Variants in BBOF1 observed in about 807,000 individuals in gnomAD.
The protein encoded by BBOF1 is basal body orientation factor 1.
Under a neutral mutation model 68.0 loss-of-function variants are expected in BBOF1, and 62 were observed. The ratio of observed to expected loss-of-function variants is 0.91; its 90% CI spans 0.74 to 1.13. BBOF1 has a LOEUF of 1.13. BBOF1 is among the 50% of genes most tolerant of loss of function. The pLI, the probability that BBOF1 is intolerant of heterozygous loss-of-function variation, is 0.00. For missense variants in BBOF1, 534 were observed against 600.1 expected, an observed-to-expected ratio of 0.89 and a Z score of 1.15; for synonymous variants, 208 against 198.8, an observed-to-expected ratio of 1.05 and a Z score of -0.39.
intron 9 of BBOF1, among the ~76,000 whole-genome samples, chr14:74,072,828 G>A (rs768953142): frequency 5.3e-5 from 8 of 151,406 alleles, no homozygotes; most frequent in Non-Finnish European, 7.4e-5. Flanking sequence ...ACAGAGTTTC[G>A]CTCTTGTCCC....
chr14:74,075,482 A>G (rs1355000698), intron 9 of BBOF1, among the ~76,000 whole-genome samples: 1 of 151,880 alleles, frequency 6.6e-6, no homozygotes, highest in African/African-American at 2.4e-5. Flanking sequence ...ACATGGCAAA[A>G]CCTTGTCTAC....
At chr14:74,029,597 G>T (rs1428127585) in intron 3 of BBOF1, among the ~76,000 whole-genome samples, 1 of 151,636 alleles carries the variant, frequency 6.6e-6, no homozygotes, top group Non-Finnish European at 1.5e-5. Context: ...CAGGAGAATT[G>T]CTTGAACCTG....
chr14:74,057,596 C>A, intron 11 of BBOF1: 1 of 1,330,744 alleles, frequency 7.5e-7, no homozygotes, highest in Non-Finnish European at 9.8e-7. Context: ...GGTGGGAAGT[C>A]AGAGTCATTA....
intron 11 of BBOF1, chr14:74,060,132 C>T (rs2060306945): frequency 6.3e-6 from 1 of 158,334 alleles, no homozygotes; most frequent in Non-Finnish European, 1.4e-5. Context: ...ATTATTGGAA[C>T]ATCTTCTTTA....
At chr14:74,053,167 T>C (rs1191846152) in intron 8 of BBOF1, among the ~76,000 whole-genome samples, 1 of 152,070 alleles carries the variant, frequency 6.6e-6, no homozygotes, top group Non-Finnish European at 1.5e-5. Context: ...CAGGCTGGAG[T>C]GCAGTGGCGA....
intron 11 of BBOF1, among the ~76,000 whole-genome samples, chr14:74,064,312 T>A (rs6574159): frequency 0.2 from 23,858 of 118,472 alleles, 2,131 homozygotes; most frequent in Admixed American, 0.25. Context: ...AAAAAAAAAA[T>A]AATAATAATA....
intron 4 of BBOF1, among the ~76,000 whole-genome samples, chr14:74,036,979 T>C (rs1361539941): frequency 2.8e-5 from 4 of 144,018 alleles, no homozygotes; most frequent in Admixed American, 6.8e-5. Flanking sequence ...TTTTCTTTTT[T>C]TTTTTTTTTT....
chr14:74,064,617 C>CTT, intron 11 of BBOF1, 71 bp from the exon 12 acceptor site: 1 of 1,481,650 alleles, frequency 6.7e-7, no homozygotes. Context: ...TTCCTCAAAA[C>CTT]TTTGTTGCTT....
chr14:74,068,665 C>T (rs2060506242), downstream of BBOF1, among the ~76,000 whole-genome samples: 1 of 151,980 alleles, frequency 6.6e-6, no homozygotes, highest in African/African-American at 2.4e-5. Context: ...ATCGCTTGAA[C>T]CCGGGAGGCA....
intron 4 of BBOF1, 120 bp downstream of exon 4, chr14:74,034,291 ATTATTTG>A: frequency 1.5e-6 from 1 of 648,532 alleles, no homozygotes. Context: ...CATTTTAGAA[ATTATTTG>A]AGAGAAAAAG....
chr14:74,074,833 A>T, intron 9 of BBOF1: 2 of 994,752 alleles, frequency 2.0e-6, no homozygotes, highest in Admixed American at 2.0e-5. Flanking sequence ...ATAATCCAAA[A>T]GGAGGAAAAA....
chr14:74,029,366 C>T, intron 3 of BBOF1, 117 bp downstream of exon 3: 1 of 622,892 alleles, frequency 1.6e-6, no homozygotes, highest in Non-Finnish European at 2.9e-6. Context: ...GGCTAATGAC[C>T]TTAAAGCTTG....
Position 74,065,609 on chromosome 14 carries a change from G to C in BBOF1, c.*910G>C. The C allele has an allele frequency of 2.0e-6, 1 of 488,082 alleles. No homozygotes were observed. The highest frequency in any genetic ancestry group is 3.7e-6 in the Non-Finnish European group (1 of 269,050). 30.2% of individuals were successfully genotyped at this position (488,082 alleles called of 1,614,324 possible). On this transcript the variant is annotated 3_prime_UTR_variant, in exon 12 of 12. Transcript: ENST00000394009. ...ATAACCACACTTCCTTTAAGGGACT[G>C]TATCTTTAGTTCATGACCCATCATC...
chr14:74,037,433 C>T (rs887191239), intron 4 of BBOF1, among the ~76,000 whole-genome samples: 2 of 150,520 alleles, frequency 1.3e-5, no homozygotes, highest in African/African-American at 4.9e-5. Context: ...GCTAGGACTA[C>T]AGGCACGCAC....
intron 11 of BBOF1, among the ~76,000 whole-genome samples, chr14:74,063,086 G>A (rs1467216566): frequency 1.3e-5 from 2 of 151,980 alleles, no homozygotes; most frequent in East Asian, 1.9e-4. Context: ...CTTCTCATTT[G>A]CTCACTGTGC....
intron 9 of BBOF1, among the ~76,000 whole-genome samples, chr14:74,056,036 T>A (rs201178340): frequency 0.22 from 32,128 of 147,968 alleles, 3,710 homozygotes; most frequent in South Asian, 0.43. Flanking sequence ...AGATAAGTAT[T>A]TTTTTTTTTT....
rs1695283375 is a variant in BBOF1, at chr14:74,035,177, AG to A, written c.495+1007del. Among the ~76,000 whole-genome samples the A allele has an allele frequency of 2.6e-5, 4 of 152,216 alleles. No homozygotes were observed. The South Asian group carries it at 8.3e-4, about 32-fold the overall frequency. On this transcript the variant is annotated intron_variant, in intron 4 of 11. Transcript: ENST00000394009. ...TTAATATTTGTAAAGTGCATAAAAT[AG>A]CACGTCACATGGTAAAAATTATATA...
At chr14:74,037,509 C>T (rs559888540) in intron 4 of BBOF1, among the ~76,000 whole-genome samples, 38 of 146,884 alleles carry the variant, frequency 2.6e-4, no homozygotes, top group East Asian at 1.2e-3. Flanking sequence ...AGGCTGGTCT[C>T]GAACTCCTGG....
At chr14:74,030,868 AG>A (rs1423560719) in intron 3 of BBOF1, among the ~76,000 whole-genome samples, 7 of 151,716 alleles carry the variant, frequency 4.6e-5, no homozygotes, top group African/African-American at 1.7e-4. Context: ...TTAAAAAAAA[AG>A]GTTGCTTAAA....
Sources: gnomAD v4.1 joint callset for allele counts (sites outside exome capture counted in the v4.1 genomes callset) on GRCh38, gnomAD v4.1.1 for gene constraint, MANE v1.5 for transcripts, NCBI Gene and HGNC (gene_info 2026-07-23, HGNC 2026-07-21) for gene names.